ZNF587: variants seen among roughly 807,000 people sequenced by gnomAD.
ZNF587 encodes zinc finger protein zfp6.
ZNF587 carries 8 observed loss-of-function variants against 7.5 expected under a neutral mutation model. The ratio of observed to expected loss-of-function variants is 1.06; its 90% CI spans 0.62 to 1.92. ZNF587 has a LOEUF of 1.92. Among genes scored for constraint, ZNF587 ranks in the 40% most tolerant of loss-of-function variants. The pLI is 0.00. For synonymous variants in ZNF587, 145 were observed against 237.8 expected, an observed-to-expected ratio of 0.61 and a Z score of 3.59; for missense variants, 468 against 692.8, an observed-to-expected ratio of 0.68 and a Z score of 3.64.
chr19:57,860,275 C>A lies in ZNF587; in HGVS notation c.*135C>A, dbSNP rs142008303. The A allele has an allele frequency of 2.8e-5, 43 of 1,521,160 alleles. No homozygotes were observed. The African/African-American group carries it at 3.0e-4, about 11-fold the overall frequency. 94.2% of individuals were successfully genotyped at this position (1,521,160 alleles called of 1,614,324 possible). On this transcript the variant is annotated 3_prime_UTR_variant, in exon 3 of 3. Transcript: ENST00000339656. ...AATGTCTGCTGTCCTCGGTCTTAAG[C>A]GACTTCGTGTTGAGATGGAGTCTTG... is the stretch of plus-strand genomic sequence containing the variant.
intron 1 of ZNF587, among the ~76,000 whole-genome samples, chr19:57,855,532 A>G (rs1353909965): frequency 6.7e-6 from 1 of 149,546 alleles, no homozygotes; most frequent in African/African-American, 2.5e-5. Flanking sequence ...GACCTTGGAT[A>G]TCGCTGTTCA....
chr19:57,855,277 G>A (rs1420259056), intron 1 of ZNF587, among the ~76,000 whole-genome samples: 9 of 151,974 alleles, frequency 5.9e-5, no homozygotes, highest in Non-Finnish European at 1.3e-4. Context: ...CCTGGGAGGC[G>A]GAGGCTGCAG....
At position 57,862,269 on chromosome 19, in the gene ZNF587, G is replaced by A. The variant is rs1163614577; in HGVS notation, c.*2129G>A. On this transcript the variant is annotated 3_prime_UTR_variant, in exon 3 of 3. Transcript: ENST00000339656. ...TGTTCCAAGTTTGTACTTCCTCACA[G>A]TTCTCACATATGGAAAGGATACACA... The A allele has an allele frequency of 1.3e-5, 2 of 152,128 alleles. No individual in the cohort carries two copies. Among genetic ancestry groups the A allele is most frequent in the Non-Finnish European group, 2.9e-5 (2 of 68,028 alleles). The allele number at this position is 152,128 out of a possible 1,614,324, so 9.4% of individuals were successfully genotyped here.
rs558063656 is a variant in ZNF587, at chr19:57,860,315, C to T, written c.*175C>T. 8.2e-4 allele frequency: 1,058 copies of T among 1,296,672 alleles called. 10 individuals are homozygous for T. In the Middle Eastern group the frequency reaches 9.2e-3, roughly 11 times the overall value. The allele number at this position is 1,296,672 out of a possible 1,614,324, so 80.3% of individuals were successfully genotyped here. A position where few individuals can be genotyped will look rare whatever the true frequency, so the allele number is the denominator to read the frequency against. ...ATGGAGTCTTGTTCTGTCACCCAGG[C>T]TGGAGTGCAGTGGTGCAGTCTTGGC... is the stretch of plus-strand genomic sequence containing the variant. On this transcript the variant is annotated 3_prime_UTR_variant, in exon 3 of 3. Transcript: ENST00000339656.
intron 1 of ZNF587, among the ~76,000 whole-genome samples, chr19:57,855,788 CCT>C (rs1208520534): frequency 4.6e-5 from 7 of 152,140 alleles, no homozygotes; most frequent in Non-Finnish European, 1.5e-5. Flanking sequence ...GTCTCTATCC[CCT>C]GACTGCAAGA....
rs1241254092 is a variant in ZNF587, at chr19:57,864,727, C to G, written c.*4587C>G. On this transcript the variant is annotated 3_prime_UTR_variant, in exon 3 of 3. Coordinates refer to ENST00000339656, the MANE Select transcript of ZNF587 (RefSeq NM_032828.4). ...ATCTAGAAGTTTAAAAGGGCTCGTT[C>G]AAACAAATTATGACCACACACACTG... 2.0e-5 allele frequency: 3 copies of G among 152,250 alleles called. No individual in the cohort carries two copies. The highest frequency in any genetic ancestry group is 7.2e-5 in the African/African-American group (3 of 41,548). 9.4% of individuals were successfully genotyped at this position (152,250 alleles called of 1,614,324 possible).
At chr19:57,850,314 C>T (rs146674430) in intron 1 of ZNF587, 1 of 653,808 alleles carries the variant, frequency 1.5e-6, no homozygotes, top group Non-Finnish European at 2.7e-6. Flanking sequence ...CAGAGCCGTC[C>T]TGCTGTTCGG....
chr19:57,858,472 T>C, intron 2 of ZNF587, 104 bp from the exon 3 acceptor site: 1 of 1,508,996 alleles, frequency 6.6e-7, no homozygotes, highest in Non-Finnish European at 8.8e-7. Context: ...TTCCTGCAAA[T>C]ATTTCTATAG....
rs1459853907 is a variant in ZNF587 at position 57,864,313 on chromosome 19, T to C, written c.*4173T>C. ...CACGCCCAGCTAATTTTTGTATTTTTAGTAGAGATGGGCTTTCACTACGTT... is the reference window on the plus strand; with the variant it reads ...CACGCCCAGCTAATTTTTGTATTTTCAGTAGAGATGGGCTTTCACTACGTT... On this transcript the variant is annotated 3_prime_UTR_variant, in exon 3 of 3. Transcript: ENST00000339656. 6.6e-6 allele frequency: 1 copy of C among 151,586 alleles called. No homozygotes were observed. The highest frequency in any genetic ancestry group is 1.5e-5 in the Non-Finnish European group (1 of 67,988). The allele number at this position is 151,586 out of a possible 1,614,324, so 9.4% of individuals were successfully genotyped here. A position where few individuals can be genotyped will look rare whatever the true frequency, so the allele number is the denominator to read the frequency against.
chr19:57,859,756 G>T lies in ZNF587; in HGVS notation c.1344G>T (p.Lys448Asn). 1 of 1,613,830 alleles carries T rather than the reference G, an allele frequency of 6.2e-7. No individual in the cohort carries two copies. Among genetic ancestry groups the T allele is most frequent in the South Asian group, 1.1e-5 (1 of 91,076 alleles). The change falls in exon 3 of 3, where the codon AAG (lysine) becomes AAT (asparagine). Residue 448 changes from lysine to asparagine, a missense_variant. By Grantham distance (94) the Lys-to-Asn change is moderately conservative (BLOSUM62 0). This residue lies in a region of ZNF587 where 310 missense variants were observed against 325.6 expected (regional missense o/e 0.95). Transcript: ENST00000339656. Reference protein sequence around the residue: ...CRECGKLFNRKYHLLVHERVH... With the variant: ...CRECGKLFNRNYHLLVHERVH... ...AATGTGGGAAATTATTTAACAGGAA[G>T]TATCATCTTCTGGTTCATGAGAGAG...
chr19:57,852,861 T>TG, intron 1 of ZNF587, among the ~76,000 whole-genome samples: 1 of 135,848 alleles, frequency 7.4e-6, no homozygotes, highest in South Asian at 2.5e-4. Flanking sequence ...TTTTTTTTTT[T>TG]TTTTTTTTTG....
At position 57,860,144 on chromosome 19, in the gene ZNF587, C is replaced by T. The variant is rs369877854; in HGVS notation, c.*4C>T. On this transcript the variant is annotated 3_prime_UTR_variant, in exon 3 of 3. Coordinates refer to ENST00000339656, the MANE Select transcript of ZNF587 (RefSeq NM_032828.4). ...ACACAGGAGAAAGGCCTTATGAGTG[C>T]AGTGAATATGGGAAATCGTTTGCTG... The T allele has an allele frequency of 1.5e-4, 240 of 1,613,982 alleles. No homozygotes were observed. Among genetic ancestry groups the T allele is most frequent in the Non-Finnish European group, 1.9e-4 (229 of 1,180,010 alleles).
At chr19:57,854,792 T>A (rs1194343056) in intron 1 of ZNF587, among the ~76,000 whole-genome samples, 1 of 151,790 alleles carries the variant, frequency 6.6e-6, no homozygotes, top group Non-Finnish European at 1.5e-5. Context: ...TATAATCTCC[T>A]CACTTTCAGA....
In ZNF587 at chr19:57,862,358, CAG is replaced by C. The variant is rs1191981576; in HGVS notation, c.*2221_*2222del. 1.3e-5 allele frequency: 2 copies of C among 152,202 alleles called. No individual in the cohort carries two copies. The highest frequency in any genetic ancestry group is 4.8e-5 in the African/African-American group (2 of 41,462). 9.4% of individuals were successfully genotyped at this position (152,202 alleles called of 1,614,324 possible). A position where few individuals can be genotyped will look rare whatever the true frequency, so the allele number is the denominator to read the frequency against. ...GGATAGCCATGAGCTCCAATTATCTCAGAGCTCTGAGTCCTCTACTCAATACC... is the reference window on the plus strand; with the variant it reads ...GGATAGCCATGAGCTCCAATTATCTCAGCTCTGAGTCCTCTACTCAATACC... On this transcript the variant is annotated 3_prime_UTR_variant, in exon 3 of 3. Transcript: ENST00000339656.
Position 57,855,708 on chromosome 19 carries a change from C to A in ZNF587, c.34-396C>A, listed in dbSNP as rs190914710. 1.1e-3 allele frequency among the ~76,000 whole-genome samples: 164 copies of A among 151,904 alleles called. 1 individual carries two copies. The highest frequency in any genetic ancestry group is 2.5e-3 in the Admixed American group (38 of 15,250). ...TCCCGAGTAGCTGGGACTACAGGTGCCCACCACCATGCCCGGCTAATTTTT... is the reference window on the plus strand; with the variant it reads ...TCCCGAGTAGCTGGGACTACAGGTGACCACCACCATGCCCGGCTAATTTTT... On this transcript the variant is annotated intron_variant, in intron 1 of 2. Transcript: ENST00000339656.
At position 57,862,646 on chromosome 19, in the gene ZNF587, C is replaced by T. The variant is rs1485833522; in HGVS notation, c.*2506C>T. 6 of 154,902 alleles carry T rather than the reference C, an allele frequency of 3.9e-5. No homozygotes were observed. Among genetic ancestry groups the T allele is most frequent in the Admixed American group, 1.3e-4 (2 of 15,278 alleles). 9.6% of individuals were successfully genotyped at this position (154,902 alleles called of 1,614,324 possible). A position where few individuals can be genotyped will look rare whatever the true frequency, so the allele number is the denominator to read the frequency against. ...CCCACTTGCATGAATGTCGACACTGCAGCCACAGTTTTGGCCGTAAATGTG... is the reference window on the plus strand; with the variant it reads ...CCCACTTGCATGAATGTCGACACTGTAGCCACAGTTTTGGCCGTAAATGTG... On this transcript the variant is annotated 3_prime_UTR_variant, in exon 3 of 3. Transcript: ENST00000339656.
chr19:57,855,437 G>T (rs1199954987), intron 1 of ZNF587, among the ~76,000 whole-genome samples: 1 of 152,154 alleles, frequency 6.6e-6, no homozygotes, highest in African/African-American at 2.4e-5. Flanking sequence ...CCATGGGCAT[G>T]TGTCTGTACA....
rs1473534414 is a variant in ZNF587, at chr19:57,856,227, T to C, written c.157T>C (p.Ser53Pro). 1.3e-6 allele frequency: 2 copies of C among 1,578,834 alleles called. No individual in the cohort carries two copies. Among genetic ancestry groups the C allele is most frequent in the Non-Finnish European group, 1.7e-6 (2 of 1,160,746 alleles). The change falls in exon 2 of 3, where the codon TCG (serine) becomes CCG (proline). Residue 53 changes from serine to proline, a missense_variant. Physicochemically the swap from Ser to Pro is moderately conservative, Grantham distance 74 (BLOSUM62 -1). Transcript: ENST00000339656. ...VMLENLALIS[S>P]LGCWCGSKDE... ...GCTAGAGAACCTGGCTCTCATATCC[T>C]CGCTGGGTAAGTTGCTCACGCTCAC...
In ZNF587 at chr19:57,861,100, C is replaced by G. The variant is rs2071427263; in HGVS notation, c.*960C>G. On this transcript the variant is annotated 3_prime_UTR_variant, in exon 3 of 3. Transcript: ENST00000339656. Reference sequence around the variant, plus strand: ...TTGTTATGAACTGACCTCAAGTGATCTGCCTGCCTCAGCTTCTCAGGTGTG... The same window carrying G: ...TTGTTATGAACTGACCTCAAGTGATGTGCCTGCCTCAGCTTCTCAGGTGTG... 6.6e-6 allele frequency: 1 copy of G among 152,132 alleles called. No individual in the cohort carries two copies. The highest frequency in any genetic ancestry group is 2.1e-4 in the South Asian group (1 of 4,822). 9.4% of individuals were successfully genotyped at this position (152,132 alleles called of 1,614,324 possible). A position where few individuals can be genotyped will look rare whatever the true frequency, so the allele number is the denominator to read the frequency against.
Sources: gnomAD v4.1 joint callset for allele counts (sites outside exome capture counted in the v4.1 genomes callset) on GRCh38, gnomAD v4.1.1 for gene constraint, gnomAD v4.1.1 regional missense constraint, MANE v1.5 for transcripts, NCBI Gene and HGNC (gene_info 2026-07-23, HGNC 2026-07-21) for gene names.